Variants in BTAF1 observed in about 807,000 individuals in gnomAD.
BTAF1 encodes B-TFIID TATA-box binding protein associated factor 1.
In BTAF1, 38 loss-of-function variants were observed where a neutral mutation model predicts 227.1. The observed-to-expected ratio is 0.17, with a 90% CI of 0.13 to 0.22. The LOEUF (loss-of-function observed/expected upper bound fraction) is 0.22. BTAF1 is among the 10% of genes least tolerant of loss of function. The pLI, the probability that BTAF1 is intolerant of heterozygous loss-of-function variation, is 1.00. For synonymous variants in BTAF1, 742 were observed against 751.9 expected (o/e 0.99, Z 0.21); for missense variants, 1,598 against 2,204.0 (o/e 0.73, Z 5.51).
intron 6 of BTAF1, 77 bp from the exon 7 acceptor site, chr10:91,956,451 T>C (rs1846092029): frequency 9.9e-6 from 14 of 1,412,952 alleles, no homozygotes; most frequent in Non-Finnish European, 1.3e-5. Flanking sequence ...TGATTCACAT[T>C]ATCTTTTATT....
intron 34 of BTAF1, among the ~76,000 whole-genome samples, chr10:92,019,532 G>T (rs574092446): frequency 2.0e-5 from 3 of 152,298 alleles, no homozygotes; most frequent in East Asian, 3.9e-4. Flanking sequence ...CTAAGGAGTG[G>T]AATAGGTAGG....
chr10:91,974,278 T>A (rs984913332), intron 14 of BTAF1, among the ~76,000 whole-genome samples: 1 of 152,226 alleles, frequency 6.6e-6, no homozygotes, highest in African/African-American at 2.4e-5. Context: ...GGTTTTGTTT[T>A]GCTTTGTAAA....
At chr10:91,966,830 T>C in intron 14 of BTAF1, 73 bp downstream of exon 14, 8 of 1,415,844 alleles carry the variant, frequency 5.7e-6, no homozygotes, top group Non-Finnish European at 6.7e-6. Flanking sequence ...GGTCTTTAGC[T>C]TACCCTTGCT....
chr10:91,994,577 A>T lies in BTAF1; in HGVS notation c.3242A>T (p.Glu1081Val). The change falls in exon 23 of 38, where the codon GAA (glutamate) becomes GTA (valine). Residue 1081 changes from glutamate (E) to valine (V), a missense_variant. By Grantham distance (121) the Glu-to-Val change is moderately radical. Transcript: ENST00000265990. ...GATAAGGGAGATAGCCCTGCTCAAGAATTGGTGAATTCTCTGCAGGTTTTT... is the reference window on the plus strand; with the variant it reads ...GATAAGGGAGATAGCCCTGCTCAAGTATTGGTGAATTCTCTGCAGGTTTTT... ...LLDKGDSPAQ[E>V]LVNSLQVFET... 6.2e-7 allele frequency: 1 copy of T among 1,614,024 alleles called. No homozygotes were observed.
chr10:91,980,413 G>C (rs765939511), intron 14 of BTAF1, 41 bp from the exon 15 acceptor site: 3 of 1,441,360 alleles, frequency 2.1e-6, no homozygotes, highest in Non-Finnish European at 2.9e-6. Flanking sequence ...TAACATCCAA[G>C]AATTATATGC....
At chr10:91,998,127 C>CAAAAAAAAAA (rs55642022) in intron 25 of BTAF1, among the ~76,000 whole-genome samples, 1 of 99,418 alleles carries the variant, frequency 1.0e-5, no homozygotes, top group Non-Finnish European at 2.2e-5. Flanking sequence ...GACTCCATCT[C>CAAAAAAAAAA]AAAAAAAAAA....
At chr10:92,019,595 G>A (rs1589987989) in intron 34 of BTAF1, among the ~76,000 whole-genome samples, 1 of 152,080 alleles carries the variant, frequency 6.6e-6, no homozygotes, top group South Asian at 2.1e-4. Flanking sequence ...ACTTTTTCAC[G>A]ATGACTACAC....
At chr10:91,980,420 A>G (rs754614883) in intron 14 of BTAF1, 34 bp from the exon 15 acceptor site, 28 of 1,474,556 alleles carry the variant, frequency 1.9e-5, no homozygotes, top group South Asian at 5.7e-5. Flanking sequence ...CAAGAATTAT[A>G]TGCTACAGCT....
At chr10:91,934,678 T>G (rs2133788896) in intron 1 of BTAF1, among the ~76,000 whole-genome samples, 1 of 152,300 alleles carries the variant, frequency 6.6e-6, no homozygotes, top group Middle Eastern at 3.4e-3. Flanking sequence ...TTCCAGCTAC[T>G]TCTGTAGCTG....
At chr10:91,924,116 C>T (rs746964377) in intron 1 of BTAF1, 26 bp downstream of exon 1, 1 of 1,605,288 alleles carries the variant, frequency 6.2e-7, no homozygotes, top group South Asian at 1.1e-5. Context: ...GACGAGCAAA[C>T]TGGAAGGCGA....
At chr10:91,955,243 TG>T (rs1232158720) in intron 6 of BTAF1, among the ~76,000 whole-genome samples, 1 of 152,226 alleles carries the variant, frequency 6.6e-6, no homozygotes, top group African/African-American at 2.4e-5. Context: ...ATTTGAATGT[TG>T]GAAATATTCG....
At chr10:91,963,998 A>C (rs1268606448) in intron 12 of BTAF1, 79 bp from the exon 13 acceptor site, 4 of 1,491,568 alleles carry the variant, frequency 2.7e-6, no homozygotes, top group Admixed American at 1.8e-5. Context: ...ATCAGTAGTG[A>C]CCCCTGGGAT....
intron 25 of BTAF1, among the ~76,000 whole-genome samples, chr10:92,004,863 A>G (rs1849774279): frequency 6.6e-6 from 1 of 152,074 alleles, no homozygotes; most frequent in Non-Finnish European, 1.5e-5. Flanking sequence ...ATTTTTTTCC[A>G]GTAATTTTAT....
intron 34 of BTAF1, among the ~76,000 whole-genome samples, chr10:92,021,679 CTGTAGA>C (rs1378622451): frequency 2.0e-5 from 3 of 151,930 alleles, no homozygotes; most frequent in African/African-American, 7.3e-5. Context: ...GTAGCTGGGA[CTGTAGA>C]TGCCCACCAC....
chr10:91,984,808 C>G (rs1401664206), intron 19 of BTAF1, among the ~76,000 whole-genome samples: 2 of 152,080 alleles, frequency 1.3e-5, no homozygotes, highest in African/African-American at 4.8e-5. Flanking sequence ...TACTTAACAG[C>G]TAGATTTTAT....
At chr10:91,984,513 G>A (rs2133993245) in intron 19 of BTAF1, 109 bp downstream of exon 19, 1 of 928,106 alleles carries the variant, frequency 1.1e-6, no homozygotes, top group South Asian at 1.8e-5. Context: ...GAGTCTGTAT[G>A]TGGCTTGGTA....
At chr10:92,010,458 A>G (rs552979182) in intron 28 of BTAF1, among the ~76,000 whole-genome samples, 2 of 152,332 alleles carry the variant, frequency 1.3e-5, no homozygotes, top group East Asian at 3.9e-4. Context: ...CTTCAGGCCC[A>G]TCTAGATTAC....
At chr10:91,995,879 T>C (rs966472927) in intron 23 of BTAF1, among the ~76,000 whole-genome samples, 1 of 152,164 alleles carries the variant, frequency 6.6e-6, no homozygotes, top group East Asian at 1.9e-4. Context: ...ATAACACCTA[T>C]GGTAAGCCAG....
chr10:92,008,248 C>G lies in BTAF1; in HGVS notation c.3786C>G (p.Ile1262Met). The change falls in exon 26 of 38, where the codon ATC (isoleucine) becomes ATG (methionine). Residue 1262 changes from isoleucine to methionine, a missense_variant. Coordinates refer to ENST00000265990, the MANE Select transcript of BTAF1 (RefSeq NM_003972.3). The part of the protein sequence containing the change: ...KLENYKIPVP[I>M]NAELRKYQQD... Reference sequence around the variant, plus strand: ...AAAATTATAAAATTCCAGTACCAATCAATGCTGAACTCAGAAAATATCAGC... The same window carrying G: ...AAAATTATAAAATTCCAGTACCAATGAATGCTGAACTCAGAAAATATCAGC... 1 of 1,580,686 alleles carries G rather than the reference C, an allele frequency of 6.3e-7. No individual in the cohort carries two copies. Among genetic ancestry groups the G allele is most frequent in the Non-Finnish European group, 8.5e-7 (1 of 1,171,920 alleles).
Sources: gnomAD v4.1 joint callset for allele counts (sites outside exome capture counted in the v4.1 genomes callset) on GRCh38, gnomAD v4.1.1 for gene constraint, MANE v1.5 for transcripts, NCBI Gene and HGNC (gene_info 2026-07-23, HGNC 2026-07-21) for gene names.